The following PPP3R1 variants were observed in gnomAD, a reference collection of about 807,000 sequenced individuals.
PPP3R1 encodes calcineurin subunit B type 1.
In PPP3R1, 5 loss-of-function variants were observed where a neutral mutation model predicts 22.6. That is an observed-to-expected ratio of 0.22 (90% CI 0.12 to 0.46). The LOEUF is 0.46. PPP3R1 is among the 20% of genes least tolerant of loss of function. PPP3R1 has a pLI of 0.99. For missense variants in PPP3R1, 61 were observed against 203.2 expected (o/e 0.30, Z 4.25); for synonymous variants, 56 against 65.2 (o/e 0.86, Z 0.68).
At chr2:68,182,691 C>T (rs1240818685) in intron 5 of PPP3R1, among the ~76,000 whole-genome samples, 2 of 148,510 alleles carry the variant, frequency 1.3e-5, no homozygotes. Flanking sequence ...GGCGGCATGA[C>T]TCCAGCCTGG....
intron 1 of PPP3R1, among the ~76,000 whole-genome samples, chr2:68,234,582 T>G (rs1669980029): frequency 6.6e-6 from 1 of 152,194 alleles, no homozygotes; most frequent in Non-Finnish European, 1.5e-5. Context: ...CATAGCAATT[T>G]TAAATGTCTT....
At position 68,217,093 on chromosome 2, in the gene PPP3R1, G is replaced by A; in HGVS notation, c.42C>T (p.His14=). Residue 14 remains histidine (H), a splice_region_variant and synonymous_variant, in exon 2 of 6, where the codon CAC becomes CAT. Transcript: ENST00000234310. ...TTTGGTAACAAGAATATGACTTACA[G>A]TGTGAGCACATTTCCAAAGGATAAC... ...EASYPLEMCS[H]FDADEIKRLG... is the part of the protein sequence containing the mutation. 1.3e-6 allele frequency: 2 copies of A among 1,589,568 alleles called. No homozygotes were observed. Among genetic ancestry groups the A allele is most frequent in the Non-Finnish European group, 1.7e-6 (2 of 1,163,068 alleles).
At chr2:68,198,863 T>C (rs1674895406) in intron 2 of PPP3R1, among the ~76,000 whole-genome samples, 1 of 152,084 alleles carries the variant, frequency 6.6e-6, no homozygotes, top group Admixed American at 6.5e-5. Context: ...TAATTTTCTG[T>C]AATTTGGAGT....
intron 5 of PPP3R1, among the ~76,000 whole-genome samples, chr2:68,182,429 T>C (rs1674434118): frequency 1.3e-5 from 2 of 152,208 alleles, no homozygotes; most frequent in African/African-American, 4.8e-5. Flanking sequence ...GATTTTTAGC[T>C]TTCACATACT....
intron 3 of PPP3R1, among the ~76,000 whole-genome samples, chr2:68,187,858 C>T (rs11900385): frequency 0.025 from 2,941 of 117,922 alleles, 85 homozygotes; most frequent in African/African-American, 0.1. Flanking sequence ...TGTTTATTTA[C>T]TTGTTAAAAC....
intron 5 of PPP3R1, among the ~76,000 whole-genome samples, chr2:68,182,488 T>C (rs1333124480): frequency 2.0e-5 from 3 of 152,014 alleles, no homozygotes; most frequent in African/African-American, 7.2e-5. Context: ...CTCTGTACCA[T>C]TCCAATGGCT....
chr2:68,195,199 C>G (rs1674742286), intron 2 of PPP3R1, among the ~76,000 whole-genome samples: 2 of 152,152 alleles, frequency 1.3e-5, no homozygotes, highest in Admixed American at 1.3e-4. Context: ...TCTCCTGAGT[C>G]TTGGCTCCAA....
chr2:68,186,137 G>A (rs1357387207), intron 5 of PPP3R1, among the ~76,000 whole-genome samples: 2 of 152,130 alleles, frequency 1.3e-5, no homozygotes, highest in Admixed American at 6.5e-5. Flanking sequence ...ACATCAAAAA[G>A]CCTACTCTCT....
intron 2 of PPP3R1, among the ~76,000 whole-genome samples, chr2:68,211,122 T>G (rs966607183): frequency 1.2e-4 from 19 of 152,214 alleles, no homozygotes; most frequent in Admixed American, 9.2e-4. Context: ...AATACTCCAT[T>G]GCGGCTGGGC....
intron 2 of PPP3R1, among the ~76,000 whole-genome samples, chr2:68,201,840 G>A (rs1427134193): frequency 6.6e-6 from 1 of 152,230 alleles, no homozygotes; most frequent in Non-Finnish European, 1.5e-5. Context: ...CTGTGAAGAA[G>A]TCCAATGCCA....
At chr2:68,209,490 A>T (rs1370504641) in intron 2 of PPP3R1, among the ~76,000 whole-genome samples, 1 of 151,786 alleles carries the variant, frequency 6.6e-6, no homozygotes, top group Non-Finnish European at 1.5e-5. Flanking sequence ...ACAGTAGCTC[A>T]TGCCTGTAAT....
At position 68,179,669 on chromosome 2, in the gene PPP3R1, AG is replaced by A. The variant is rs1023192374; in HGVS notation, c.*1293del. 5 of 152,284 alleles carry A rather than the reference AG, an allele frequency of 3.3e-5. No individual in the cohort carries two copies. Among genetic ancestry groups the A allele is most frequent in the Admixed American group, 2.0e-4 (3 of 15,290 alleles). The allele number at this position is 152,284 out of a possible 1,614,324, so 9.4% of individuals were successfully genotyped here. On this transcript the variant is annotated 3_prime_UTR_variant, in exon 6 of 6. Transcript: ENST00000234310. Reference sequence around the variant, plus strand: ...ATGGGAAGGGATAAGATCAAACAGTAGAACATGATACACTACTTTTATATCA... The same window carrying A: ...ATGGGAAGGGATAAGATCAAACAGTAAACATGATACACTACTTTTATATCA...
chr2:68,205,024 T>G (rs1240775688), intron 2 of PPP3R1, among the ~76,000 whole-genome samples: 2 of 152,308 alleles, frequency 1.3e-5, no homozygotes, highest in East Asian at 3.9e-4. Context: ...TCTTGGTTAC[T>G]TCCTTCTCCC....
intron 1 of PPP3R1, among the ~76,000 whole-genome samples, chr2:68,251,491 AG>A (rs895050141): frequency 8.5e-5 from 13 of 152,220 alleles, no homozygotes; most frequent in African/African-American, 3.1e-4. Flanking sequence ...CCGGTTCGCC[AG>A]GGCAGCGAGC....
intron 2 of PPP3R1, among the ~76,000 whole-genome samples, chr2:68,213,093 C>T (rs758975704): frequency 1.2e-4 from 19 of 152,118 alleles, no homozygotes; most frequent in Non-Finnish European, 2.5e-4. Flanking sequence ...AAAAATTTAC[C>T]CATATAAGCA....
rs1298582911 is a variant in PPP3R1, at chr2:68,188,704, A to G, written c.44-14T>C. On this transcript the variant is annotated splice_polypyrimidine_tract_variant and intron_variant, in intron 2 of 5. Transcript: ENST00000234310. ...CATCCGCATCAACTAAAAGCAAACAAAAAAGGAAGCAAGAATTTTTTAAAA... is the reference window on the plus strand; with the variant it reads ...CATCCGCATCAACTAAAAGCAAACAGAAAAGGAAGCAAGAATTTTTTAAAA... 6.4e-7 allele frequency: 1 copy of G among 1,561,526 alleles called. No homozygotes were observed. Among genetic ancestry groups the G allele is most frequent in the African/African-American group, 1.4e-5 (1 of 72,222 alleles).
intron 1 of PPP3R1, among the ~76,000 whole-genome samples, chr2:68,238,694 T>C (rs1260309671): frequency 2.0e-5 from 3 of 152,278 alleles, no homozygotes; most frequent in Admixed American, 6.5e-5. Context: ...AAAAGTATTA[T>C]GTGGGCTATC....
chr2:68,250,707 T>A (rs1350386597), intron 1 of PPP3R1, among the ~76,000 whole-genome samples: 1 of 152,232 alleles, frequency 6.6e-6, no homozygotes, highest in Non-Finnish European at 1.5e-5. Flanking sequence ...AGGAAAAACT[T>A]TCTCTACACA....
Position 68,252,243 on chromosome 2 carries a change from G to C in PPP3R1, c.-116C>G, listed in dbSNP as rs1025900031. ...GCTGCGGCCCTCGGGTCGCCGGCGGGGAGGGGGCGCGCGTGGGGGAGGGGA... is the reference window on the plus strand; with the variant it reads ...GCTGCGGCCCTCGGGTCGCCGGCGGCGAGGGGGCGCGCGTGGGGGAGGGGA... On this transcript the variant is annotated 5_prime_UTR_variant, in exon 1 of 6. Transcript: ENST00000234310. The C allele has an allele frequency of 9.1e-7, 1 of 1,100,478 alleles. No individual in the cohort carries two copies. The highest frequency in any genetic ancestry group is 1.7e-5 in the African/African-American group (1 of 60,164). 68.2% of individuals were successfully genotyped at this position (1,100,478 alleles called of 1,614,324 possible).
Sources: allele counts gnomAD v4.1 joint callset (sites outside exome capture counted in the v4.1 genomes callset), GRCh38; gene constraint gnomAD v4.1.1; transcripts MANE v1.5; gene names NCBI Gene and HGNC (gene_info 2026-07-23, HGNC 2026-07-21).